The following FOXK1 variants were observed in gnomAD, a reference collection of about 807,000 sequenced individuals.
The protein encoded by FOXK1 is forkhead box protein K1.
A neutral mutation model predicts 51.9 loss-of-function variants in FOXK1; 19 were observed. The ratio of observed to expected loss-of-function variants is 0.37; its 90% CI spans 0.26 to 0.54. FOXK1 has a LOEUF of 0.54. FOXK1 is among the 20% of genes least tolerant of loss of function. The pLI, the probability that FOXK1 is intolerant of heterozygous loss-of-function variation, is 0.87. For synonymous variants in FOXK1, 537 were observed against 482.6 expected (o/e 1.11, Z -1.48); for missense variants, 870 against 1,032.7 (o/e 0.84, Z 2.16).
rs995725764 is a variant in FOXK1, at chr7:4,731,103, T to C, written c.561-9735T>C. 1.3e-5 allele frequency among the ~76,000 whole-genome samples: 2 copies of C among 152,206 alleles called. No individual in the cohort carries two copies. Among genetic ancestry groups the C allele is most frequent in the Non-Finnish European group, 2.9e-5 (2 of 68,040 alleles). Reference sequence around the variant, plus strand: ...TTCCAGTTTCAGGCCTTATCTGATGTGGCCCACCCTGGGACCGTCACCTGA... The same window carrying C: ...TTCCAGTTTCAGGCCTTATCTGATGCGGCCCACCCTGGGACCGTCACCTGA... On this transcript the variant is annotated intron_variant, in intron 1 of 8. Coordinates refer to ENST00000328914, the MANE Select transcript of FOXK1 (RefSeq NM_001037165.2). The surrounding 1 kb of genome is among the most constrained non-coding windows in gnomAD (Gnocchi z 5.3).
rs1470480391 is a variant in FOXK1 at position 4,756,976 on chromosome 7, A to C, written c.1051-18A>C. 1.9e-6 allele frequency: 3 copies of C among 1,609,994 alleles called. No homozygotes were observed. The highest frequency in any genetic ancestry group is 1.7e-6 in the Non-Finnish European group (2 of 1,178,408). On this transcript the variant is annotated intron_variant, in intron 4 of 8. Transcript: ENST00000328914. This position sits in a 1 kb window ranked among gnomAD's most constrained non-coding sequence, Gnocchi z 4.1. ...TCTGATTTGCTGGTGATGGGTGAAT[A>C]TCTCTGCTTCCCTGCAGAATTCTAT...
intron 1 of FOXK1, among the ~76,000 whole-genome samples, chr7:4,721,511 T>C (rs560208429): frequency 3.9e-5 from 6 of 152,002 alleles, no homozygotes; most frequent in Non-Finnish European, 8.8e-5. Context: ...AGAATAAGAA[T>C]AATTCCAGCT....
At chr7:4,717,446 G>C (rs1780250136) in intron 1 of FOXK1, among the ~76,000 whole-genome samples, 1 of 148,688 alleles carries the variant, frequency 6.7e-6, no homozygotes, top group African/African-American at 2.5e-5. Context: ...GTGCATGACT[G>C]GGAGGTGTGT....
chr7:4,727,640 G>A (rs767724340), intron 1 of FOXK1, among the ~76,000 whole-genome samples: 5 of 152,208 alleles, frequency 3.3e-5, no homozygotes, highest in South Asian at 2.1e-4. Context: ...TCTAAAGTGC[G>A]GTGTTTCTCC....
chr7:4,761,196 T>G lies in FOXK1; in HGVS notation c.1829T>G (p.Val610Gly). ...ACCATCCTGCAGCCCGCCACACCCG[T>G]GACCCTCGGGCAGCACCACCTTCCA... The part of the protein sequence containing the change: ...TVTILQPATP[V>G]TLGQHHLPVR... Residue 610 changes from valine (V) to glycine (G), a missense_variant, in exon 8 of 9, where the codon GTG becomes GGG. By Grantham distance (109) the Val-to-Gly change is moderately radical. Coordinates refer to ENST00000328914, the MANE Select transcript of FOXK1 (RefSeq NM_001037165.2). The surrounding 1 kb of genome is among the most constrained non-coding windows in gnomAD (Gnocchi z 6.2). The G allele has an allele frequency of 6.2e-7, 1 of 1,613,050 alleles. No individual in the cohort carries two copies. The highest frequency in any genetic ancestry group is 1.7e-5 in the Admixed American group (1 of 60,018).
intron 2 of FOXK1, among the ~76,000 whole-genome samples, chr7:4,744,323 G>A (rs1780673612): frequency 6.6e-6 from 1 of 152,100 alleles, no homozygotes; most frequent in South Asian, 2.1e-4. Flanking sequence ...TATATTACTG[G>A]TGGGGATTGC....
At chr7:4,710,209 A>C (rs1380013430) in intron 1 of FOXK1, among the ~76,000 whole-genome samples, 10 of 152,246 alleles carry the variant, frequency 6.6e-5, no homozygotes, top group Non-Finnish European at 1.0e-4. Context: ...AGTCGCAAAC[A>C]ACACAAATGC....
chr7:4,724,966 T>G (rs539150214), intron 1 of FOXK1, among the ~76,000 whole-genome samples: 1 of 152,168 alleles, frequency 6.6e-6, no homozygotes. Flanking sequence ...AGAAAAATAG[T>G]GGGGACAGGG....
intron 1 of FOXK1, among the ~76,000 whole-genome samples, chr7:4,688,771 G>A (rs1562640568): frequency 6.6e-6 from 1 of 151,932 alleles, no homozygotes; most frequent in African/African-American, 2.4e-5. Flanking sequence ...CATTCACTGT[G>A]TCCCTCCCCC....
intron 1 of FOXK1, among the ~76,000 whole-genome samples, chr7:4,716,178 G>A (rs1254885256): frequency 6.6e-6 from 1 of 150,834 alleles, no homozygotes; most frequent in Non-Finnish European, 1.5e-5. Flanking sequence ...TTGAGATTGC[G>A]CCTCTGCACT....
chr7:4,728,503 A>G (rs1780409199), intron 1 of FOXK1, among the ~76,000 whole-genome samples: 1 of 152,198 alleles, frequency 6.6e-6, no homozygotes, highest in South Asian at 2.1e-4. Context: ...TGTGCACTAA[A>G]GTGCACGTGC....
At chr7:4,695,486 G>A (rs1779939860) in intron 1 of FOXK1, among the ~76,000 whole-genome samples, 1 of 152,186 alleles carries the variant, frequency 6.6e-6, no homozygotes, top group Non-Finnish European at 1.5e-5. Flanking sequence ...CCACCACTAG[G>A]CATGTGTGGC....
chr7:4,688,881 A>G (rs1779855071), intron 1 of FOXK1, among the ~76,000 whole-genome samples: 1 of 151,832 alleles, frequency 6.6e-6, no homozygotes, highest in Non-Finnish European at 1.5e-5. Context: ...GTGGTGGTGC[A>G]CGCAGAGGTG....
chr7:4,700,074 G>T (rs1044769611), intron 1 of FOXK1, among the ~76,000 whole-genome samples: 1 of 152,156 alleles, frequency 6.6e-6, no homozygotes, highest in Non-Finnish European at 1.5e-5. Context: ...AGCCATTTCC[G>T]TCAGGAGGCC....
intron 1 of FOXK1, among the ~76,000 whole-genome samples, chr7:4,727,216 T>C (rs1583197982): frequency 6.6e-6 from 1 of 152,216 alleles, no homozygotes; most frequent in East Asian, 1.9e-4. Flanking sequence ...CCTCTCAAAG[T>C]GTTGGGATTA....
intron 1 of FOXK1, among the ~76,000 whole-genome samples, chr7:4,698,038 T>C (rs1407206441): frequency 6.6e-6 from 1 of 152,098 alleles, no homozygotes; most frequent in Non-Finnish European, 1.5e-5. Flanking sequence ...TTGGCCAGGC[T>C]GGCCTTGAAC....
chr7:4,691,437 C>T (rs1405727131), intron 1 of FOXK1, among the ~76,000 whole-genome samples: 1 of 152,164 alleles, frequency 6.6e-6, no homozygotes, highest in African/African-American at 2.4e-5. Flanking sequence ...TGGGTTCAGG[C>T]GATTCTCCTG....
At chr7:4,760,007 G>A (rs1780910367) in intron 7 of FOXK1, 1 of 194,300 alleles carries the variant, frequency 5.1e-6, no homozygotes, top group African/African-American at 2.4e-5. Context: ...TCCAGCCTGG[G>A]CGACAGAGCA....
chr7:4,692,520 C>A (rs544974620), intron 1 of FOXK1, among the ~76,000 whole-genome samples: 2 of 152,142 alleles, frequency 1.3e-5, no homozygotes, highest in African/African-American at 4.8e-5. Flanking sequence ...CTCAGCCTCC[C>A]GAGTAGCTGG....
Sources: gnomAD v4.1 joint callset for allele counts (sites outside exome capture counted in the v4.1 genomes callset) on GRCh38, gnomAD v4.1.1 for gene constraint, Gnocchi (gnomAD v3.1) non-coding constraint, MANE v1.5 for transcripts, NCBI Gene and HGNC (gene_info 2026-07-23, HGNC 2026-07-21) for gene names.